The following SRSF11 variants were observed in gnomAD, a reference collection of about 807,000 sequenced individuals.
The protein encoded by SRSF11 is serine/arginine-rich splicing factor 11.
A neutral mutation model predicts 56.0 loss-of-function variants in SRSF11; 9 were observed. The ratio of observed to expected loss-of-function variants is 0.16; its 90% CI spans 0.10 to 0.28. The LOEUF is 0.28. Ranked by LOEUF, SRSF11 falls within the 10% of genes least tolerant of loss-of-function variation. The pLI is 1.00. For missense variants in SRSF11, 421 were observed against 600.7 expected (o/e 0.70, Z 3.13); for synonymous variants, 222 against 215.3 (o/e 1.03, Z -0.27).
chr1:70,249,843 A>G (rs1255947382), intron 9 of SRSF11, 109 bp from the exon 10 acceptor site: 6 of 1,171,064 alleles, frequency 5.1e-6, no homozygotes, highest in African/African-American at 1.5e-5. Context: ...TATAGGCATG[A>G]GCCACTACAT....
chr1:70,216,005 C>T (rs753245429), intron 1 of SRSF11, among the ~76,000 whole-genome samples: 2 of 152,136 alleles, frequency 1.3e-5, no homozygotes, highest in South Asian at 2.1e-4. Flanking sequence ...AGGCTCATCT[C>T]GAACCCCCGA....
Position 70,250,420 on chromosome 1 carries a change from G to C in SRSF11, c.1174G>C (p.Glu392Gln). Residue 392 changes from glutamate to glutamine, a missense_variant, in exon 11 of 12, where the codon GAA (glutamate) becomes CAA (glutamine). Physicochemically the swap from Glu to Gln is conservative, Grantham distance 29 (BLOSUM62 2). Around this residue, in one of 2 missense-constraint regions of SRSF11, gnomAD observed 253 missense variants for 305.8 expected, o/e 0.83. Coordinates refer to ENST00000370949, the MANE Select transcript of SRSF11 (RefSeq NM_001350605.2). Reference sequence around the variant, plus strand: ...CAAAGAAAGAAGTAGGGATGAAAGAGAACGATCAACAAGCAAGAAGAAGAA... The same window carrying C: ...CAAAGAAAGAAGTAGGGATGAAAGACAACGATCAACAAGCAAGAAGAAGAA... The part of the protein sequence containing the change: ...KDKERSRDER[E>Q]RSTSKKKKSK... 1 of 1,597,068 alleles carries C rather than the reference G, an allele frequency of 6.3e-7. No homozygotes were observed. The highest frequency in any genetic ancestry group is 8.6e-7 in the Non-Finnish European group (1 of 1,164,700).
rs1190394548 is a variant in SRSF11 at position 70,250,997 on chromosome 1, A to G, written c.*192A>G. ...TTTAGAAAATGGTACGAGGTAACCA[A>G]TTCTTGTCATGGTGAAATCTGATTG... On this transcript the variant is annotated 3_prime_UTR_variant, in exon 12 of 12. Transcript: ENST00000370949. 15 of 533,104 alleles carry G rather than the reference A, an allele frequency of 2.8e-5. No homozygotes were observed. The highest frequency in any genetic ancestry group is 5.0e-4 in the Middle Eastern group (1 of 1,988). The allele number at this position is 533,104 out of a possible 1,614,324, so 33.0% of individuals were successfully genotyped here.
chr1:70,224,358 A>T (rs570229934), intron 1 of SRSF11, among the ~76,000 whole-genome samples: 1 of 152,238 alleles, frequency 6.6e-6, no homozygotes, highest in South Asian at 2.1e-4. Context: ...ATGTCACCTT[A>T]ATCAGAGAAA....
At chr1:70,214,921 CAG>C (rs1312987705) in intron 1 of SRSF11, among the ~76,000 whole-genome samples, 9 of 112,800 alleles carry the variant, frequency 8.0e-5, no homozygotes, top group Admixed American at 2.3e-4. Context: ...TTTTTTGAGA[CAG>C]AGTCTTGCCC....
Position 70,232,253 on chromosome 1 carries a change from G to A in SRSF11, c.338-15G>A. ...AGAAAAGAATGTGTTCTAATGCAAG[G>A]ATGTTTCTCTGCAGGAGTTATTCCT... On this transcript the variant is annotated splice_polypyrimidine_tract_variant and intron_variant, in intron 2 of 11. Coordinates refer to ENST00000370949, the MANE Select transcript of SRSF11 (RefSeq NM_001350605.2). The A allele has an allele frequency of 6.2e-7, 1 of 1,614,154 alleles. No homozygotes were observed. Among genetic ancestry groups the A allele is most frequent in the Non-Finnish European group, 8.5e-7 (1 of 1,180,034 alleles).
At position 70,221,914 on chromosome 1, in the gene SRSF11, C is replaced by A; in HGVS notation, c.203+75C>A. On this transcript the variant is annotated intron_variant, in intron 1 of 11. Coordinates refer to ENST00000370949, the MANE Select transcript of SRSF11 (RefSeq NM_001350605.2). Reference sequence around the variant, plus strand: ...GCCTAACACACACAATTTCCTTAGGCCCCTGTCGCTGCTTCCCCGGGCCAG... The same window carrying A: ...GCCTAACACACACAATTTCCTTAGGACCCTGTCGCTGCTTCCCCGGGCCAG... The A allele has an allele frequency of 1.9e-6, 3 of 1,566,760 alleles. No homozygotes were observed. In the Admixed American group the frequency reaches 5.4e-5, roughly 28 times the overall value.
At chr1:70,218,077 G>A (rs935840875), upstream of SRSF11, among the ~76,000 whole-genome samples, 3 of 151,980 alleles carry the variant, frequency 2.0e-5, no homozygotes, top group Non-Finnish European at 4.4e-5. Context: ...CCATTCTCCC[G>A]CCTCAGCCTC....
intron 2 of SRSF11, chr1:70,231,607 C>G (rs931976647): frequency 6.2e-6 from 7 of 1,135,742 alleles, no homozygotes; most frequent in East Asian, 6.2e-5. Flanking sequence ...CTCTCTTTCT[C>G]TCTCACTCCC....
At chr1:70,242,541 C>G (rs115003358) in intron 7 of SRSF11, among the ~76,000 whole-genome samples, 1 of 150,642 alleles carries the variant, frequency 6.6e-6, no homozygotes, top group Non-Finnish European at 1.5e-5. Flanking sequence ...TGAGCTCGAG[C>G]TGTTTGCCCA....
At chr1:70,210,953 T>G (rs1407515930) in intron 1 of SRSF11, among the ~76,000 whole-genome samples, 2 of 152,148 alleles carry the variant, frequency 1.3e-5, no homozygotes, top group Non-Finnish European at 2.9e-5. Context: ...ACAAGGGTGG[T>G]GGTAAACCAA....
At chr1:70,207,924 T>A (rs1004924354) in intron 1 of SRSF11, among the ~76,000 whole-genome samples, 3 of 152,044 alleles carry the variant, frequency 2.0e-5, no homozygotes, top group Admixed American at 1.3e-4. Context: ...TTGCCAAGGC[T>A]GGTCTTGAAC....
rs368046942 is a variant in SRSF11, at chr1:70,213,094, T to G, written c.-26+7314T>G. 1.9e-4 allele frequency among the ~76,000 whole-genome samples: 29 copies of G among 152,096 alleles called. No homozygotes were observed. The East Asian group carries it at 4.9e-3, about 25-fold the overall frequency. On this transcript the variant is annotated intron_variant, in intron 1 of 12. Coordinates refer to the SRSF11 transcript ENST00000370950. ...AGAAAAGATGAGGAAATTGGAGAGT[T>G]TTTTCCGACTTTCTTGTAATGACAT... is the stretch of plus-strand genomic sequence containing the variant.
At position 70,251,597 on chromosome 1, in the gene SRSF11, G is replaced by A. The variant is rs1434435479; in HGVS notation, c.*792G>A. ...AGTGAAAGCTATCTACCTATCCTGA[G>A]TCTATCTTAAAGGAAAAAAAGAAAA... On this transcript the variant is annotated 3_prime_UTR_variant, in exon 12 of 12. Transcript: ENST00000370949. 1.3e-5 allele frequency: 2 copies of A among 152,120 alleles called. No homozygotes were observed. Among genetic ancestry groups the A allele is most frequent in the Non-Finnish European group, 2.9e-5 (2 of 67,914 alleles). 9.4% of individuals were successfully genotyped at this position (152,120 alleles called of 1,614,324 possible). A position where few individuals can be genotyped will look rare whatever the true frequency, so the allele number is the denominator to read the frequency against.
chr1:70,216,147 G>A (rs1455257966), intron 1 of SRSF11, among the ~76,000 whole-genome samples: 1 of 152,166 alleles, frequency 6.6e-6, no homozygotes, highest in African/African-American at 2.4e-5. Flanking sequence ...TTAGAAGCTT[G>A]AGATGGAAAA....
At position 70,246,861 on chromosome 1, in the gene SRSF11, C is replaced by T. The variant is rs1260719650; in HGVS notation, c.976C>T (p.Pro326Ser). The change falls in exon 9 of 12, where the codon CCA (proline) becomes TCA (serine). Residue 326 changes from proline to serine, a missense_variant. Transcript: ENST00000370949. ...EDKEKKRSKT[P>S]PKSYSTARRS... is the part of the protein sequence containing the mutation. ...CAAAGAAAAGAAACGTTCTAAAACA[C>T]CACCAAAAAGTTACAGCACAGCCAG... 1 of 1,611,162 alleles carries T rather than the reference C, an allele frequency of 6.2e-7. No individual in the cohort carries two copies. Among genetic ancestry groups the T allele is most frequent in the Non-Finnish European group, 8.5e-7 (1 of 1,178,730 alleles).
At chr1:70,229,271 C>G in intron 2 of SRSF11, 1 of 1,289,272 alleles carries the variant, frequency 7.8e-7, no homozygotes, top group African/African-American at 1.5e-5. Flanking sequence ...TCTGCAGCTA[C>G]AGGGGATTCT....
chr1:70,247,428 A>G (rs554730041), intron 9 of SRSF11, among the ~76,000 whole-genome samples: 57 of 152,244 alleles, frequency 3.7e-4, no homozygotes, highest in African/African-American at 1.3e-3. Context: ...TGGGATTTAT[A>G]TGATAGTAAG....
intron 1 of SRSF11, among the ~76,000 whole-genome samples, chr1:70,213,473 T>G (rs764830689): frequency 2.0e-5 from 3 of 152,188 alleles, no homozygotes; most frequent in Non-Finnish European, 4.4e-5. Flanking sequence ...CTGAGATATA[T>G]CTTTCATGTG....
Sources: gnomAD v4.1 joint callset for allele counts (sites outside exome capture counted in the v4.1 genomes callset) on GRCh38, gnomAD v4.1.1 for gene constraint, gnomAD v4.1.1 regional missense constraint, MANE v1.5 for transcripts, NCBI Gene and HGNC (gene_info 2026-07-23, HGNC 2026-07-21) for gene names.